JAK1: variants seen among roughly 807,000 people sequenced by gnomAD.
JAK1 encodes Janus kinase 1.
A neutral mutation model predicts 136.6 loss-of-function variants in JAK1; 16 were observed. The ratio of observed to expected loss-of-function variants is 0.12; its 90% CI spans 0.08 to 0.18. The LOEUF is 0.18. JAK1 is among the 10% of genes least tolerant of loss of function. The pLI is 1.00. For synonymous variants in JAK1, 492 were observed against 519.5 expected, an observed-to-expected ratio of 0.95 and a Z score of 0.72; for missense variants, 859 against 1,450.1, an observed-to-expected ratio of 0.59 and a Z score of 6.62.
At chr1:64,835,241 A>G (rs1022252456) in intron 24 of JAK1, among the ~76,000 whole-genome samples, 155 bp downstream of exon 24, 4 of 152,204 alleles carry the variant, frequency 2.6e-5, no homozygotes, top group Non-Finnish European at 5.9e-5. Flanking sequence ...GCGATTTCTC[A>G]GTTATCTTAT....
intron 2 of JAK1, among the ~76,000 whole-genome samples, chr1:65,018,484 G>C (rs1243282480): frequency 1.2e-3 from 159 of 129,196 alleles, no homozygotes; most frequent in African/African-American, 3.2e-3. Context: ...GAGAGAGAGA[G>C]AGAACACACA....
At chr1:64,878,556 AGT>A (rs1368449732) in intron 4 of JAK1, among the ~76,000 whole-genome samples, 110 of 109,276 alleles carry the variant, frequency 1.0e-3, no homozygotes, top group South Asian at 1.6e-3. Flanking sequence ...TTATATATAT[AGT>A]GTGTATATAT....
intron 2 of JAK1, among the ~76,000 whole-genome samples, chr1:64,998,213 A>G (rs473434): frequency 0.014 from 2,151 of 152,306 alleles, 54 homozygotes; most frequent in African/African-American, 0.05. Context: ...TCTAATACAC[A>G]TGTAATCACA....
chr1:65,066,334 C>T (rs1330623529), intron 1 of JAK1, among the ~76,000 whole-genome samples: 1 of 152,200 alleles, frequency 6.6e-6, no homozygotes, highest in Non-Finnish European at 1.5e-5. Context: ...GCAAAGCACC[C>T]CTCTCCCCAA....
At position 64,857,740 on chromosome 1, in the gene JAK1, G is replaced by A. The variant is rs762097420; in HGVS notation, c.1374C>T (p.Ser458=). 4.3e-6 allele frequency: 7 copies of A among 1,614,118 alleles called. No individual in the cohort carries two copies. Among genetic ancestry groups the A allele is most frequent in the East Asian group, 2.2e-5 (1 of 44,878 alleles). ...YAINKLRQEG[S]EEGMYVLRWS... ...ACCTCAGCACGTACATCCCCTCCTC[G>A]CTTCCTTCTTGCCGCAATTTATTGA... The change falls in exon 10 of 25, where the codon AGC becomes AGT. Residue 458 remains serine, a synonymous_variant. Coordinates refer to ENST00000342505, the MANE Select transcript of JAK1 (RefSeq NM_002227.4).
chr1:64,880,038 A>C (rs1349384078), intron 3 of JAK1, among the ~76,000 whole-genome samples: 1 of 152,188 alleles, frequency 6.6e-6, no homozygotes, highest in Non-Finnish European at 1.5e-5. Flanking sequence ...AATGACAAAA[A>C]ACCTGGGAGA....
intron 2 of JAK1, among the ~76,000 whole-genome samples, chr1:65,036,595 T>C (rs2100825589): frequency 6.6e-6 from 1 of 152,366 alleles, no homozygotes; most frequent in East Asian, 1.9e-4. Flanking sequence ...CTTATTAACA[T>C]AACTGCTTTC....
intron 1 of JAK1, among the ~76,000 whole-genome samples, chr1:65,062,985 A>AG: frequency 6.6e-6 from 1 of 152,232 alleles, no homozygotes; most frequent in African/African-American, 2.4e-5. Context: ...AGCACCGAAT[A>AG]GCTCCTAAGT....
chr1:64,989,483 G>T (rs74435468), intron 2 of JAK1: 3 of 151,934 alleles, frequency 2.0e-5, no homozygotes, highest in East Asian at 3.9e-4. Flanking sequence ...CATGGGAGTG[G>T]GGTCCCTGGT....
At chr1:65,004,925 G>C (rs1646791627) in intron 2 of JAK1, among the ~76,000 whole-genome samples, 1 of 152,070 alleles carries the variant, frequency 6.6e-6, no homozygotes, top group South Asian at 2.1e-4. Context: ...GTGAAGGTGG[G>C]GATGTATACT....
At chr1:64,868,788 C>T (rs1050742410) in intron 6 of JAK1, among the ~76,000 whole-genome samples, 2 of 152,212 alleles carry the variant, frequency 1.3e-5, no homozygotes, top group Admixed American at 1.3e-4. Flanking sequence ...AATATTCCTT[C>T]ACAGAGACTT....
intron 1 of JAK1, among the ~76,000 whole-genome samples, chr1:64,922,117 C>T (rs562137205): frequency 2.0e-5 from 3 of 151,264 alleles, no homozygotes; most frequent in African/African-American, 7.3e-5. Context: ...GCCCACAGTG[C>T]TATTAGTTTC....
rs533907572 is a variant in JAK1, at chr1:64,852,990, C to A, written c.1649-2080G>T. ...ACTAGAGATGTGGGACCTGCTGAGC[C>A]GTCACGCCCACTCTGAATGGCCTCC... is the stretch of plus-strand genomic sequence containing the variant. On this transcript the variant is annotated intron_variant, in intron 11 of 24. Transcript: ENST00000342505. 3.3e-5 allele frequency among the ~76,000 whole-genome samples: 5 copies of A among 152,290 alleles called. No homozygotes were observed. In the East Asian group the frequency reaches 9.6e-4, roughly 29 times the overall value.
At chr1:64,906,942 A>G (rs941188948) in intron 1 of JAK1, among the ~76,000 whole-genome samples, 1 of 151,234 alleles carries the variant, frequency 6.6e-6, no homozygotes, top group African/African-American at 2.4e-5. Context: ...CTATCTACCC[A>G]CTAAATGCAC....
chr1:65,061,270 G>C (rs1647780290), intron 1 of JAK1, among the ~76,000 whole-genome samples: 1 of 151,976 alleles, frequency 6.6e-6, no homozygotes, highest in Admixed American at 6.6e-5. Flanking sequence ...AATAGTATGA[G>C]CAGGGCCAGT....
chr1:64,833,449 GT>G lies in JAK1; in HGVS notation c.*1112del, dbSNP rs1654257223. The G allele has an allele frequency of 4.3e-6, 1 of 232,878 alleles. No individual in the cohort carries two copies. Among genetic ancestry groups the G allele is most frequent in the Non-Finnish European group, 8.5e-6 (1 of 117,684 alleles). The allele number at this position is 232,878 out of a possible 1,614,324, so 14.4% of individuals were successfully genotyped here. A position where few individuals can be genotyped will look rare whatever the true frequency, so the allele number is the denominator to read the frequency against. On this transcript the variant is annotated 3_prime_UTR_variant, in exon 25 of 25. Transcript: ENST00000342505. Reference sequence around the variant, plus strand: ...TAACAAAAAGATTTTCAGACTCTTGGTCATAAAGACCGTAATCGTTCACATT... The same window carrying G: ...TAACAAAAAGATTTTCAGACTCTTGGCATAAAGACCGTAATCGTTCACATT...
At chr1:65,023,311 G>T (rs1395014550) in intron 2 of JAK1, among the ~76,000 whole-genome samples, 1 of 151,874 alleles carries the variant, frequency 6.6e-6, no homozygotes, top group Non-Finnish European at 1.5e-5. Flanking sequence ...GCCCAGGCTG[G>T]TCTTGAATTC....
chr1:64,974,374 T>A (rs1323095599), intron 2 of JAK1: 1 of 152,220 alleles, frequency 6.6e-6, no homozygotes, highest in Non-Finnish European at 1.5e-5. Flanking sequence ...GCTCTGCCAC[T>A]TACTAGTGTA....
chr1:65,012,702 G>A (rs1362693116), intron 2 of JAK1, among the ~76,000 whole-genome samples: 3 of 150,784 alleles, frequency 2.0e-5, no homozygotes, highest in Non-Finnish European at 4.4e-5. Context: ...TGAGGCAGGA[G>A]AATCACTTGA....
Sources: allele counts gnomAD v4.1 joint callset (sites outside exome capture counted in the v4.1 genomes callset), GRCh38; gene constraint gnomAD v4.1.1; transcripts MANE v1.5; gene names NCBI Gene and HGNC (gene_info 2026-07-23, HGNC 2026-07-21).